Variants in TAPT1 observed in about 807,000 individuals in gnomAD.
TAPT1 encodes the protein transmembrane anterior posterior transformation protein 1 homolog.
In TAPT1, 28 loss-of-function variants were observed where a neutral mutation model predicts 65.6. That is an observed-to-expected ratio of 0.43 (90% CI 0.32 to 0.59). The LOEUF is 0.59. TAPT1 is among the 20% of genes least tolerant of loss of function. TAPT1 has a pLI of 0.09. For synonymous variants in TAPT1, 278 were observed against 245.2 expected (o/e 1.13, Z -1.25); for missense variants, 563 against 679.9 (o/e 0.83, Z 1.91).
Position 16,215,656 on chromosome 4 carries a change from A to G in TAPT1, c.200-1758T>C, listed in dbSNP as rs543024502. On this transcript the variant is annotated intron_variant, in intron 1 of 13. Transcript: ENST00000405303. ...GGCGGAATCTATCTACATGTGTCGT[A>G]CTTTCTCTTTTCAATACATTTACAG... Among the ~76,000 whole-genome samples, 56 of 152,320 alleles carry G rather than the reference A, an allele frequency of 3.7e-4. 1 individual carries two copies. The highest frequency in any genetic ancestry group is 1.1e-3 in the African/African-American group (46 of 41,568).
chr4:16,213,774 C>A lies in TAPT1; in HGVS notation c.324G>T (p.Leu108Phe). The A allele has an allele frequency of 6.4e-7, 1 of 1,560,216 alleles. No homozygotes were observed. Among genetic ancestry groups the A allele is most frequent in the Admixed American group, 2.2e-5 (1 of 45,798 alleles). Residue 108 changes from leucine to phenylalanine, a missense_variant, in exon 2 of 14, where the codon TTG (leucine) becomes TTT (phenylalanine). Physicochemically the swap from Leu to Phe is conservative, Grantham distance 22 (BLOSUM62 0). Around this residue, in one of 5 missense-constraint regions of TAPT1, gnomAD observed 217 missense variants for 317.5 expected, o/e 0.68. Transcript: ENST00000405303. ...AATGAAGAAAAAATAGTACCTTTTC[C>A]AATTCTCTTGGTATTCGCAAACAAG... ...VYTCLRIPRE[L>F]EKLMVFGIFL... is the part of the protein sequence containing the mutation.
At chr4:16,196,260 T>C (rs1450662149) in intron 3 of TAPT1, among the ~76,000 whole-genome samples, 2 of 152,214 alleles carry the variant, frequency 1.3e-5, no homozygotes, top group Admixed American at 6.5e-5. Flanking sequence ...TCTTAAACTT[T>C]AATTTCAAAC....
intron 7 of TAPT1, among the ~76,000 whole-genome samples, chr4:16,185,632 G>A (rs1295806010): frequency 2.0e-5 from 3 of 152,162 alleles, no homozygotes; most frequent in Non-Finnish European, 4.4e-5. Flanking sequence ...GCCTCCCAAC[G>A]TGCTGGGATT....
chr4:16,224,461 C>T (rs1474032639), intron 1 of TAPT1, among the ~76,000 whole-genome samples: 4 of 152,172 alleles, frequency 2.6e-5, no homozygotes, highest in Non-Finnish European at 4.4e-5. Context: ...TATGTGGAGG[C>T]TCAGAGAGAA....
intron 10 of TAPT1, 55 bp from the exon 11 acceptor site, chr4:16,174,327 A>T: frequency 6.9e-7 from 1 of 1,456,032 alleles, no homozygotes; most frequent in Admixed American, 2.0e-5. Flanking sequence ...ACAGCATTTT[A>T]AAAGTACTAT....
At chr4:16,192,821 G>T (rs1055495131) in intron 3 of TAPT1, among the ~76,000 whole-genome samples, 1 of 152,120 alleles carries the variant, frequency 6.6e-6, no homozygotes, top group African/African-American at 2.4e-5. Flanking sequence ...TTGTGACAAT[G>T]TTCTAAGCAA....
chr4:16,171,889 T>C (rs1748017097), intron 11 of TAPT1, among the ~76,000 whole-genome samples: 1 of 152,220 alleles, frequency 6.6e-6, no homozygotes, highest in Non-Finnish European at 1.5e-5. Context: ...ACACATTTTT[T>C]CTTCCTTTTT....
intron 2 of TAPT1, among the ~76,000 whole-genome samples, chr4:16,206,197 G>A (rs1273044263): frequency 1.3e-5 from 2 of 152,202 alleles, no homozygotes. Context: ...GGATTATCAT[G>A]AGCCAAGTTC....
upstream of TAPT1, chr4:16,226,513 G>GGCCCCCTCCCCGCCTCGCCCC (rs2108908551): frequency 7.1e-6 from 7 of 992,198 alleles, no homozygotes; most frequent in South Asian, 4.6e-5. Flanking sequence ...GCCTCCGGCC[G>GGCCCCCTCCCCGCCTCGCCCC]GCCCCCTCCC....
chr4:16,204,456 T>C (rs1373786240), intron 2 of TAPT1, among the ~76,000 whole-genome samples: 1 of 152,284 alleles, frequency 6.6e-6, no homozygotes, highest in Non-Finnish European at 1.5e-5. Context: ...AAATTCATTC[T>C]CAGCAGCGAT....
Position 16,160,878 on chromosome 4 carries a change from A to G in TAPT1, c.*2430T>C, listed in dbSNP as rs1347299099. The G allele has an allele frequency of 1.3e-5, 2 of 152,682 alleles. No individual in the cohort carries two copies. The highest frequency in any genetic ancestry group is 3.8e-4 in the East Asian group (2 of 5,204). 9.5% of individuals were successfully genotyped at this position (152,682 alleles called of 1,614,324 possible). ...TGAATATAAACTCTAAATACTGGCC[A>G]AAGTCCACAAGAAAATCTGGACAAG... is the stretch of plus-strand genomic sequence containing the variant. On this transcript the variant is annotated 3_prime_UTR_variant, in exon 14 of 14. Coordinates refer to ENST00000405303, the MANE Select transcript of TAPT1 (RefSeq NM_153365.3).
At chr4:16,177,403 C>T (rs1223011782) in intron 8 of TAPT1, among the ~76,000 whole-genome samples, 1 of 152,118 alleles carries the variant, frequency 6.6e-6, no homozygotes, top group African/African-American at 2.4e-5. Flanking sequence ...GAAATGCTGA[C>T]AAGGACCCAC....
In TAPT1 at chr4:16,161,166, G is replaced by A. The variant is rs1439430044; in HGVS notation, c.*2142C>T. 6.6e-6 allele frequency: 1 copy of A among 152,528 alleles called. No individual in the cohort carries two copies. The highest frequency in any genetic ancestry group is 1.5e-5 in the Non-Finnish European group (1 of 68,014). 9.4% of individuals were successfully genotyped at this position (152,528 alleles called of 1,614,324 possible). A position where few individuals can be genotyped will look rare whatever the true frequency, so the allele number is the denominator to read the frequency against. Reference sequence around the variant, plus strand: ...AAATTAAACATTTTGCCACCATTAAGACCAAAGCAATAATTCAAATTAAGA... The same window carrying A: ...AAATTAAACATTTTGCCACCATTAAAACCAAAGCAATAATTCAAATTAAGA... On this transcript the variant is annotated 3_prime_UTR_variant, in exon 14 of 14. Transcript: ENST00000405303.
intron 3 of TAPT1, among the ~76,000 whole-genome samples, chr4:16,201,131 C>A (rs1280179149): frequency 1.3e-5 from 2 of 151,996 alleles, no homozygotes; most frequent in Non-Finnish European, 1.5e-5. Context: ...ATTTTAAATC[C>A]TTTTATAATG....
intron 4 of TAPT1, among the ~76,000 whole-genome samples, chr4:16,188,687 G>A (rs1183593578): frequency 6.6e-6 from 1 of 151,592 alleles, no homozygotes; most frequent in Admixed American, 6.6e-5. Context: ...TTGGGAGGCC[G>A]AGGTGGGCGG....
intron 8 of TAPT1, among the ~76,000 whole-genome samples, chr4:16,177,023 T>A (rs1748376609): frequency 6.6e-6 from 1 of 152,224 alleles, no homozygotes; most frequent in South Asian, 2.1e-4. Flanking sequence ...ATATATTTGC[T>A]CACCATTATG....
chr4:16,185,720 T>TGA (rs1560164604), intron 7 of TAPT1, among the ~76,000 whole-genome samples: 85 of 152,232 alleles, frequency 5.6e-4, no homozygotes, highest in African/African-American at 2.0e-3. Flanking sequence ...CCAAAAAGTC[T>TGA]GACAAGCGCT....
At chr4:16,179,054 A>C (rs1748539380) in intron 8 of TAPT1, 1 of 152,548 alleles carries the variant, frequency 6.6e-6, no homozygotes, top group Admixed American at 6.5e-5. Flanking sequence ...CACAGAAAAC[A>C]TACCCAATCC....
chr4:16,206,002 T>A (rs1238696392), intron 2 of TAPT1, among the ~76,000 whole-genome samples: 1 of 152,200 alleles, frequency 6.6e-6, no homozygotes, highest in Non-Finnish European at 1.5e-5. Flanking sequence ...TAAACTCACA[T>A]ATAGGGATCA....
Sources: allele counts gnomAD v4.1 joint callset (sites outside exome capture counted in the v4.1 genomes callset), GRCh38; gene constraint gnomAD v4.1.1; regional missense constraint gnomAD v4.1.1; transcripts MANE v1.5; gene names NCBI Gene and HGNC (gene_info 2026-07-23, HGNC 2026-07-21).